The following ABCB10 variants were observed in gnomAD, a reference collection of about 807,000 sequenced individuals.
ABCB10 encodes the protein ATP binding cassette subfamily B member 10.
ABCB10 carries 54 observed loss-of-function variants against 65.4 expected under a neutral mutation model. The ratio of observed to expected loss-of-function variants is 0.83; its 90% confidence interval spans 0.66 to 1.04. The LOEUF is 1.04. ABCB10 is among the 50% of genes least tolerant of loss of function. The pLI is 0.00. For synonymous variants in ABCB10, 418 were observed against 406.5 expected, an observed-to-expected ratio of 1.03 and a Z score of -0.34; for missense variants, 846 against 976.6, an observed-to-expected ratio of 0.87 and a Z score of 1.78.
At position 229,549,385 on chromosome 1, in the gene ABCB10, AGGG is replaced by A. The variant is rs1373380628; in HGVS notation, c.564_566del (p.Pro189del). The A allele has an allele frequency of 2.5e-6, 4 of 1,614,080 alleles. No homozygotes were observed. The highest frequency in any genetic ancestry group is 3.4e-6 in the Non-Finnish European group (4 of 1,180,044). On this transcript the variant is annotated inframe_deletion, in exon 2 of 13. Transcript: ENST00000344517. ...CATCAATGATCTTCCCCAGGAAGAA[AGGG>A]GCAGACATGGAGATAACACTGGACA...
chr1:229,542,558 T>C (rs1662877627), intron 3 of ABCB10, among the ~76,000 whole-genome samples, 187 bp from the exon 4 acceptor site: 1 of 151,506 alleles, frequency 6.6e-6, no homozygotes, highest in African/African-American at 2.4e-5. Context: ...TCAGACATCT[T>C]TATTCTTCAC....
intron 3 of ABCB10, 21 bp downstream of exon 3, chr1:229,547,478 A>C: frequency 6.2e-7 from 1 of 1,611,802 alleles, no homozygotes; most frequent in Non-Finnish European, 8.5e-7. Flanking sequence ...GAAGGTACCA[A>C]GGGGAACCAG....
intron 11 of ABCB10, 21 bp from the exon 12 acceptor site, chr1:229,518,896 A>G: frequency 6.4e-7 from 1 of 1,563,546 alleles, no homozygotes; most frequent in Non-Finnish European, 8.7e-7. Context: ...AAAAAAAAGG[A>G]AAAGATAAAA....
rs1001546997 is a variant in ABCB10 at position 229,518,107 on chromosome 1, T to C, written c.*72A>G. ...CTTGATATATGGTTTATGTATTTCA[T>C]AGTCTCTGAGTTTTTTTTCTGCAAC... On this transcript the variant is annotated 3_prime_UTR_variant, in exon 13 of 13. Transcript: ENST00000344517. 24 of 1,098,366 alleles carry C rather than the reference T, an allele frequency of 2.2e-5. No individual in the cohort carries two copies. Among genetic ancestry groups the C allele is most frequent in the Middle Eastern group, 2.0e-4 (1 of 4,940 alleles). The allele number at this position is 1,098,366 out of a possible 1,614,324, so 68.0% of individuals were successfully genotyped here. A position where few individuals can be genotyped will look rare whatever the true frequency, so the allele number is the denominator to read the frequency against.
At chr1:229,536,329 G>T (rs976640407) in intron 6 of ABCB10, among the ~76,000 whole-genome samples, 17 of 151,696 alleles carry the variant, frequency 1.1e-4, no homozygotes, top group African/African-American at 4.1e-4. Context: ...AACATAGCAA[G>T]ACCCTGTCTC....
At position 229,518,125 on chromosome 1, in the gene ABCB10, T is replaced by TC. The variant is rs1248235268; in HGVS notation, c.*53dup. ...TATTTCATAGTCTCTGAGTTTTTTT[T>TC]CTGCAACACTGTTTTGCATTAAAGT... On this transcript the variant is annotated 3_prime_UTR_variant, in exon 13 of 13. Transcript: ENST00000344517. The TC allele has an allele frequency of 5.9e-6, 8 of 1,353,342 alleles. No homozygotes were observed. The highest frequency in any genetic ancestry group is 8.3e-6 in the Non-Finnish European group (8 of 960,496). 83.8% of individuals were successfully genotyped at this position (1,353,342 alleles called of 1,614,324 possible).
rs1392866429 is a variant in ABCB10 at position 229,531,650 on chromosome 1, T to C, written c.1421A>G (p.Lys474Arg). The C allele has an allele frequency of 6.2e-7, 1 of 1,613,880 alleles. No homozygotes were observed. The change falls in exon 7 of 13, where the codon AAG (lysine) becomes AGG (arginine). Residue 474 changes from lysine to arginine, a missense_variant. This residue lies in a region of ABCB10 where 632 missense variants were observed against 803.2 expected (regional missense o/e 0.79). Coordinates refer to ENST00000344517, the MANE Select transcript of ABCB10 (RefSeq NM_012089.3). ...TTCAGACCCACCGTTAAAAGGCAGC[T>C]TGGGCTCTCTCTCCAGGAGCTCCCA... Reference protein sequence around the residue: ...RLWELLEREPKLPFNEGVILN... With the variant: ...RLWELLEREPRLPFNEGVILN...
intron 6 of ABCB10, among the ~76,000 whole-genome samples, chr1:229,537,744 C>G (rs1030970762): frequency 1.1e-4 from 16 of 152,310 alleles, no homozygotes; most frequent in African/African-American, 3.6e-4. Context: ...GAGCCGACAT[C>G]ATGCCACCAC....
chr1:229,525,685 A>AG (rs1662424010), intron 10 of ABCB10, among the ~76,000 whole-genome samples: 2 of 152,154 alleles, frequency 1.3e-5, no homozygotes. Context: ...CTAAAAAATT[A>AG]GCTGGACGTG....
chr1:229,534,785 C>T (rs1662670356), intron 6 of ABCB10, among the ~76,000 whole-genome samples: 3 of 148,612 alleles, frequency 2.0e-5, no homozygotes, highest in African/African-American at 5.0e-5. Context: ...GCTGGAGAAT[C>T]GCTTGAACCT....
chr1:229,546,315 C>A (rs1028566818), intron 3 of ABCB10, among the ~76,000 whole-genome samples: 4 of 151,852 alleles, frequency 2.6e-5, no homozygotes, highest in South Asian at 2.1e-4. Context: ...AATACATATA[C>A]CAAATACATG....
chr1:229,554,801 C>T (rs1366489718), intron 1 of ABCB10, among the ~76,000 whole-genome samples: 1 of 152,136 alleles, frequency 6.6e-6, no homozygotes. Flanking sequence ...GGGCACTGTC[C>T]CTGCGGGATC....
chr1:229,525,379 G>T (rs1029778468), intron 10 of ABCB10, among the ~76,000 whole-genome samples: 1 of 151,918 alleles, frequency 6.6e-6, no homozygotes, highest in Non-Finnish European at 1.5e-5. Context: ...TTTTTCAGAT[G>T]AAAAAAAGCT....
chr1:229,556,766 C>T (rs1231766504), intron 1 of ABCB10, among the ~76,000 whole-genome samples: 4 of 152,108 alleles, frequency 2.6e-5, no homozygotes, highest in Admixed American at 2.0e-4. Flanking sequence ...AAGTGGTGGG[C>T]GCACCCGATG....
rs1360146849 is a variant in ABCB10 at position 229,549,363 on chromosome 1, C to T, written c.589G>A (p.Asp197Asn). Residue 197 changes from aspartate to asparagine, a missense_variant, in exon 2 of 13, where the codon GAT (aspartate) becomes AAT (asparagine). Asp to Asn is a conservative substitution (Grantham distance 23, BLOSUM62 1). Transcript: ENST00000344517. The stretch of plus-strand genomic sequence containing the variant: ...ACAGTGGGGTTGGTATAGATGACAT[C>T]AATGATCTTCCCCAGGAAGAAAGGG... ...SAPFFLGKII[D>N]VIYTNPTVDY... 6.2e-7 allele frequency: 1 copy of T among 1,614,116 alleles called. No homozygotes were observed. Among genetic ancestry groups the T allele is most frequent in the Non-Finnish European group, 8.5e-7 (1 of 1,180,038 alleles).
intron 10 of ABCB10, 137 bp from the exon 11 acceptor site, chr1:229,521,772 AT>A (rs1362724122): frequency 1.4e-6 from 1 of 739,088 alleles, no homozygotes; most frequent in Non-Finnish European, 2.2e-6. Context: ...CCAGAAACCT[AT>A]TTTAAAATAT....
intron 3 of ABCB10, among the ~76,000 whole-genome samples, chr1:229,542,681 G>A (rs1372022201): frequency 6.6e-6 from 1 of 151,012 alleles, no homozygotes; most frequent in Non-Finnish European, 1.5e-5. Context: ...CAACAGAGTG[G>A]GAAGAGACAG....
chr1:229,541,144 T>C (rs1036143867), intron 4 of ABCB10, among the ~76,000 whole-genome samples: 1 of 152,240 alleles, frequency 6.6e-6, no homozygotes, highest in Non-Finnish European at 1.5e-5. Context: ...TGCGTGTTTT[T>C]GTTTTCTCTC....
chr1:229,558,028 G>A, intron 1 of ABCB10, 108 bp downstream of exon 1: 1 of 1,170,750 alleles, frequency 8.5e-7, no homozygotes, highest in Non-Finnish European at 1.1e-6. Context: ...AGGAGAGGCG[G>A]CGGTGACACG....
Sources: gnomAD v4.1 joint callset for allele counts (sites outside exome capture counted in the v4.1 genomes callset) on GRCh38, gnomAD v4.1.1 for gene constraint, gnomAD v4.1.1 regional missense constraint, MANE v1.5 for transcripts, NCBI Gene and HGNC (gene_info 2026-07-23, HGNC 2026-07-21) for gene names.